EPHB1: variants seen among roughly 807,000 people sequenced by gnomAD.
EPHB1 encodes the protein EPH receptor B1, also known as ephrin type-B receptor 1.
In EPHB1, 30 loss-of-function variants were observed where a neutral mutation model predicts 94.4. The ratio of observed to expected loss-of-function variants is 0.32; its 90% CI spans 0.24 to 0.43. The LOEUF (loss-of-function observed/expected upper bound fraction) is 0.43. Ranked by LOEUF, EPHB1 falls within the 20% of genes least tolerant of loss-of-function variation. The pLI, the probability that EPHB1 is intolerant of heterozygous loss-of-function variation, is 1.00. For missense variants in EPHB1, 1,055 were observed against 1,308.3 expected (o/e 0.81, Z 2.99); for synonymous variants, 522 against 489.1 (o/e 1.07, Z -0.89).
At chr3:135,124,995 A>T (rs554304956) in intron 4 of EPHB1, among the ~76,000 whole-genome samples, 1 of 151,538 alleles carries the variant, frequency 6.6e-6, no homozygotes, top group Non-Finnish European at 1.5e-5. Context: ...TTCAGACACC[A>T]CTTATTCCAT....
chr3:135,185,193 A>T (rs1324808116), intron 10 of EPHB1, among the ~76,000 whole-genome samples: 1 of 152,202 alleles, frequency 6.6e-6, no homozygotes, highest in Non-Finnish European at 1.5e-5. Flanking sequence ...GCTGTGTGAG[A>T]ATAGTTGGGA....
In EPHB1 at chr3:135,244,292, A is replaced by G. The variant is rs191291694; in HGVS notation, c.2496+2995A>G. Among the ~76,000 whole-genome samples, 8 of 152,320 alleles carry G rather than the reference A, an allele frequency of 5.3e-5. No individual in the cohort carries two copies. The East Asian group carries it at 1.5e-3, about 29-fold the overall frequency. On this transcript the variant is annotated intron_variant, in intron 13 of 15. Transcript: ENST00000398015. ...TACACTGGCCTTTGCAATGGCCAAAAGAGTTGTTGCTGAACTTTCAAAATG... is the reference window on the plus strand; with the variant it reads ...TACACTGGCCTTTGCAATGGCCAAAGGAGTTGTTGCTGAACTTTCAAAATG...
At chr3:134,932,755 A>G (rs1337157493) in intron 2 of EPHB1, among the ~76,000 whole-genome samples, 2 of 152,206 alleles carry the variant, frequency 1.3e-5, no homozygotes, top group African/African-American at 2.4e-5. Context: ...TAATGATTCA[A>G]TCATGCTTAT....
chr3:134,796,685 C>G (rs2035835127), intron 1 of EPHB1, among the ~76,000 whole-genome samples: 1 of 152,242 alleles, frequency 6.6e-6, no homozygotes, highest in South Asian at 2.1e-4. Context: ...GCGGCAGCCT[C>G]CTGGGAACAC....
chr3:135,089,490 G>A (rs894669546), intron 3 of EPHB1, among the ~76,000 whole-genome samples: 4 of 152,230 alleles, frequency 2.6e-5, no homozygotes, highest in African/African-American at 9.7e-5. Context: ...TTAACACGTG[G>A]TGGGTAGCTT....
At chr3:135,139,084 G>A (rs895270949) in intron 5 of EPHB1, among the ~76,000 whole-genome samples, 12 of 152,326 alleles carry the variant, frequency 7.9e-5, no homozygotes, top group African/African-American at 2.9e-4. Context: ...GGCACAGAGA[G>A]CCTTGATAAA....
chr3:135,079,053 G>A (rs993395731), intron 3 of EPHB1, among the ~76,000 whole-genome samples: 5 of 151,494 alleles, frequency 3.3e-5, no homozygotes, highest in Non-Finnish European at 2.9e-5. Context: ...GGTTAGGAGT[G>A]TATCAGAAAT....
At chr3:134,831,486 G>A (rs62272424) in intron 1 of EPHB1, among the ~76,000 whole-genome samples, 22,799 of 152,170 alleles carry the variant, frequency 0.15, 1,910 homozygotes, top group South Asian at 0.4. Context: ...TTTCTGCCCT[G>A]TCTGATTCCA....
intron 12 of EPHB1, among the ~76,000 whole-genome samples, chr3:135,227,578 G>A (rs1454562949): frequency 6.6e-6 from 1 of 151,992 alleles, no homozygotes; most frequent in Non-Finnish European, 1.5e-5. Context: ...TTGGAGACAA[G>A]CTCTTTTTAA....
chr3:134,963,537 G>A (rs1222744465), intron 3 of EPHB1, among the ~76,000 whole-genome samples: 1 of 152,098 alleles, frequency 6.6e-6, no homozygotes, highest in Non-Finnish European at 1.5e-5. Context: ...AAGCAGTGAC[G>A]GTGTGCTAGA....
chr3:134,945,343 T>C (rs1410665909), intron 2 of EPHB1, among the ~76,000 whole-genome samples: 3 of 152,192 alleles, frequency 2.0e-5, no homozygotes, highest in Non-Finnish European at 4.4e-5. Flanking sequence ...TGGTTTCTTT[T>C]AGTATCTTTG....
intron 4 of EPHB1, among the ~76,000 whole-genome samples, chr3:135,128,006 C>T (rs1210103866): frequency 6.6e-6 from 1 of 152,166 alleles, no homozygotes; most frequent in East Asian, 1.9e-4. Context: ...TTTCCTTAGC[C>T]CTTTAAACAG....
chr3:134,889,301 T>C (rs528889201), intron 1 of EPHB1, among the ~76,000 whole-genome samples: 2 of 152,000 alleles, frequency 1.3e-5, no homozygotes, highest in African/African-American at 2.4e-5. Flanking sequence ...TTTTAGTAGA[T>C]TGCAAATTCT....
At chr3:135,257,124 T>G (rs922729368) in intron 15 of EPHB1, among the ~76,000 whole-genome samples, 26 of 150,680 alleles carry the variant, frequency 1.7e-4, no homozygotes, top group Non-Finnish European at 3.4e-4. Context: ...TCTTCTAAAT[T>G]TTTTTCAAAG....
intron 1 of EPHB1, among the ~76,000 whole-genome samples, chr3:134,797,830 G>T (rs1473863378): frequency 6.6e-6 from 1 of 152,124 alleles, no homozygotes; most frequent in Admixed American, 6.5e-5. Context: ...CTCCAGCAAG[G>T]GTTAAAAGAA....
intron 10 of EPHB1, among the ~76,000 whole-genome samples, chr3:135,181,127 G>A (rs1266162312): frequency 6.6e-6 from 1 of 152,194 alleles, no homozygotes; most frequent in African/African-American, 2.4e-5. Context: ...AAAGCCATCT[G>A]TGAAATTGGA....
chr3:134,975,726 G>GT lies in EPHB1; in HGVS notation c.805+23684dup, dbSNP rs796726106. On this transcript the variant is annotated intron_variant, in intron 3 of 15. Coordinates refer to ENST00000398015, the MANE Select transcript of EPHB1 (RefSeq NM_004441.5). The stretch of plus-strand genomic sequence containing the variant: ...TAGGTTAAAGTTAGTGAAGAACAGT[G>GT]TTTTTTTTTTAAACTATTCGTAAGG... Among the ~76,000 whole-genome samples the GT allele has an allele frequency of 1.3e-3, 198 of 149,174 alleles. 1 individual carries two copies. The highest frequency in any genetic ancestry group is 2.3e-3 in the Admixed American group (35 of 14,908).
At chr3:134,893,816 C>G (rs73222692) in intron 1 of EPHB1, among the ~76,000 whole-genome samples, 1 of 152,164 alleles carries the variant, frequency 6.6e-6, no homozygotes, top group African/African-American at 2.4e-5. Flanking sequence ...CCCTCCAGAC[C>G]GTAAACTGTG....
At chr3:134,850,664 G>A (rs563160169) in intron 1 of EPHB1, among the ~76,000 whole-genome samples, 3 of 152,242 alleles carry the variant, frequency 2.0e-5, no homozygotes, top group African/African-American at 7.2e-5. Context: ...CTTGGTGCGG[G>A]CAGTTCATGC....
Sources: gnomAD v4.1 joint callset for allele counts (sites outside exome capture counted in the v4.1 genomes callset) on GRCh38, gnomAD v4.1.1 for gene constraint, MANE v1.5 for transcripts, NCBI Gene and HGNC (gene_info 2026-07-23, HGNC 2026-07-21) for gene names.